PTGES3L: variants seen among roughly 807,000 people sequenced by gnomAD.
PTGES3L encodes prostaglandin E synthase 3 like.
A neutral mutation model predicts 25.0 loss-of-function variants in PTGES3L; 17 were observed. That is an observed-to-expected ratio of 0.68 (90% confidence interval 0.47 to 1.02). The LOEUF (loss-of-function observed/expected upper bound fraction) is 1.02. PTGES3L is among the 50% of genes least tolerant of loss of function. The pLI, the probability that PTGES3L is intolerant of heterozygous loss-of-function variation, is 0.00. For synonymous variants in PTGES3L, 59 were observed against 65.7 expected (o/e 0.90, Z 0.50); for missense variants, 202 against 197.5 (o/e 1.02, Z -0.14).
At chr17:42,972,584 G>A (rs887077112) in intron 4 of PTGES3L, among the ~76,000 whole-genome samples, 4 of 152,064 alleles carry the variant, frequency 2.6e-5, no homozygotes, top group African/African-American at 9.7e-5. Flanking sequence ...TCGGCCTCCC[G>A]AGGTGCCGGG....
chr17:42,969,965 A>G lies in PTGES3L; in HGVS notation c.432+324T>C, dbSNP rs151205294. Among the ~76,000 whole-genome samples, 296 of 152,040 alleles carry G rather than the reference A, an allele frequency of 1.9e-3. 3 individuals carry two copies. Among genetic ancestry groups the G allele is most frequent in the Middle Eastern group, 0.01 (3 of 292 alleles). ...AACATGGCAAAACCCTGTCTCTACT[A>G]AAAATACAAAAATTAGCTGGGCGTG... On this transcript the variant is annotated intron_variant, in intron 6 of 6. Coordinates refer to ENST00000591916, the MANE Select transcript of PTGES3L (RefSeq NM_001261430.2).
At chr17:42,971,519 G>T in intron 5 of PTGES3L, 88 bp downstream of exon 5, 1 of 1,444,786 alleles carries the variant, frequency 6.9e-7, no homozygotes, top group Non-Finnish European at 9.6e-7. Context: ...TCTCTGCTTG[G>T]CCCCAGTGAC....
rs781413936 is a variant in PTGES3L at position 42,979,263 on chromosome 17, G to C, written c.195C>G (p.Ser65=). 1.2e-6 allele frequency: 2 copies of C among 1,613,898 alleles called. No homozygotes were observed. The highest frequency in any genetic ancestry group is 1.3e-5 in the African/African-American group (1 of 74,870). Residue 65 remains serine (S), a synonymous_variant, in exon 4 of 7, where the codon TCC becomes TCG. Transcript: ENST00000591916. Reference sequence around the variant, plus strand: ...TAGAGCGGGAAGAGCGCTTATCCTGGGAGTCCTGCCAGATAGAGAGCCTCA... The same window carrying C: ...TAGAGCGGGAAGAGCGCTTATCCTGCGAGTCCTGCCAGATAGAGAGCCTCA... ...EFYAKVNSKD[S]QDKRSSRSIT... is the part of the protein sequence containing the mutation.
rs373958114 is a variant in PTGES3L at position 42,971,598 on chromosome 17, G to C, written c.378+9C>G. On this transcript the variant is annotated intron_variant, in intron 5 of 6. Coordinates refer to ENST00000591916, the MANE Select transcript of PTGES3L (RefSeq NM_001261430.2). ...AAGTGGGCAGAACACAGTAGGTGTT[G>C]TCTCTCACCTCTGCATAATGTTCCA... The C allele has an allele frequency of 6.2e-7, 1 of 1,613,460 alleles. No individual in the cohort carries two copies. The highest frequency in any genetic ancestry group is 1.1e-5 in the South Asian group (1 of 91,062).
At position 42,969,198 on chromosome 17, in the gene PTGES3L, G is replaced by A. The variant is rs1356158986; in HGVS notation, c.433-12C>T. 8 of 1,403,712 alleles carry A rather than the reference G, an allele frequency of 5.7e-6. No homozygotes were observed. The highest frequency in any genetic ancestry group is 3.1e-5 in the African/African-American group (2 of 63,684). The allele number at this position is 1,403,712 out of a possible 1,614,324, so 87.0% of individuals were successfully genotyped here. ...CTGTCAGAATCATCCTGGGGGCGGG[G>A]GGGAAAAAAGACAAAGCACCTGTAG... On this transcript the variant is annotated splice_polypyrimidine_tract_variant and intron_variant, in intron 6 of 6. Transcript: ENST00000591916.
intron 1 of PTGES3L, 181 bp downstream of exon 1, chr17:42,979,865 C>T (rs1162099467): frequency 2.1e-6 from 3 of 1,442,884 alleles, no homozygotes; most frequent in Middle Eastern, 2.5e-4. Flanking sequence ...ACGTGCAAGA[C>T]TAGGAAACTA....
rs57542042 is a variant in PTGES3L at position 42,970,676 on chromosome 17, GCACACA to G, written c.379-340_379-335del. The stretch of plus-strand genomic sequence containing the variant: ...CATGAAGTTGTCTGGCTTAACACGC[GCACACA>G]CACACACACACACACACACACACAC... On this transcript the variant is annotated intron_variant, in intron 5 of 6. Transcript: ENST00000591916. Among the ~76,000 whole-genome samples, 145 of 144,184 alleles carry G rather than the reference GCACACA, an allele frequency of 1.0e-3. 2 individuals carry two copies. Among genetic ancestry groups the G allele is most frequent in the African/African-American group, 2.9e-3 (110 of 37,944 alleles). 94.6% of individuals were successfully genotyped at this position (144,184 alleles called of 152,430 possible).
intron 4 of PTGES3L, among the ~76,000 whole-genome samples, chr17:42,973,384 C>T (rs1451143859): frequency 6.9e-6 from 1 of 145,602 alleles, no homozygotes; most frequent in African/African-American, 2.5e-5. Flanking sequence ...GGGTCAGCCC[C>T]CTGCCCGGCC....
intron 4 of PTGES3L, among the ~76,000 whole-genome samples, chr17:42,977,001 G>T (rs6503722): frequency 0.94 from 142,501 of 152,204 alleles, 67,435 homozygotes; most frequent in East Asian, 1. Flanking sequence ...AAGAATAAGA[G>T]TCATCAGGGC....
chr17:42,973,280 G>A (rs1468856676), intron 4 of PTGES3L, among the ~76,000 whole-genome samples: 2 of 134,874 alleles, frequency 1.5e-5, no homozygotes, highest in East Asian at 2.2e-4. Context: ...CGCCCCGTCC[G>A]GGAGGTGAGG....
Position 42,979,409 on chromosome 17 carries a change from T to C in PTGES3L, c.158A>G (p.Glu53Gly). The C allele has an allele frequency of 6.2e-7, 1 of 1,614,174 alleles. No individual in the cohort carries two copies. Among genetic ancestry groups the C allele is most frequent in the Non-Finnish European group, 8.5e-7 (1 of 1,180,036 alleles). The stretch of plus-strand genomic sequence containing the variant: ...GTTCACTTTGGCATAGAACTCAATC[T>C]CATTGTACAACTCCACTCCATCGGC... ...KNADGVELYN[E>G]IEFYAKVNSK... is the part of the protein sequence containing the mutation. The change falls in exon 3 of 7, where the codon GAG (glutamate) becomes GGG (glycine). Residue 53 changes from glutamate to glycine, a missense_variant. By Grantham distance (98) the Glu-to-Gly change is moderately conservative (BLOSUM62 -2). Coordinates refer to ENST00000591916, the MANE Select transcript of PTGES3L (RefSeq NM_001261430.2).
At chr17:42,978,331 C>T (rs572101779) in intron 4 of PTGES3L, among the ~76,000 whole-genome samples, 2 of 152,080 alleles carry the variant, frequency 1.3e-5, no homozygotes, top group Non-Finnish European at 2.9e-5. Flanking sequence ...CGCTTGAACC[C>T]GGGAAGTGGA....
intron 4 of PTGES3L, among the ~76,000 whole-genome samples, 186 bp downstream of exon 4, chr17:42,978,984 G>T (rs2050017916): frequency 1.3e-5 from 2 of 152,072 alleles, no homozygotes; most frequent in Admixed American, 1.3e-4. Flanking sequence ...TGGGCAACAA[G>T]AGTGAAACTC....
chr17:42,970,385 G>A (rs1218765199), intron 5 of PTGES3L, 43 bp from the exon 6 acceptor site: 2 of 1,610,926 alleles, frequency 1.2e-6, no homozygotes, highest in South Asian at 2.2e-5. Flanking sequence ...AGGGAGTGAA[G>A]GAAGAACAAT....
intron 5 of PTGES3L, among the ~76,000 whole-genome samples, 189 bp downstream of exon 5, chr17:42,971,418 T>G (rs751675157): frequency 5.9e-5 from 9 of 152,210 alleles, no homozygotes; most frequent in Non-Finnish European, 1.3e-4. Context: ...TTCAATAATA[T>G]TCTTTCCTCT....
chr17:42,978,294 C>G (rs890779012), intron 4 of PTGES3L, among the ~76,000 whole-genome samples: 6 of 151,844 alleles, frequency 4.0e-5, no homozygotes, highest in African/African-American at 1.5e-4. Context: ...GTAATCCCAG[C>G]TACTCAGGAG....
intron 5 of PTGES3L, 135 bp downstream of exon 5, chr17:42,971,472 C>T: frequency 1.3e-6 from 1 of 780,428 alleles, no homozygotes; most frequent in Non-Finnish European, 2.1e-6. Context: ...TAAAGAATAT[C>T]AGCATCAATG....
chr17:42,971,590 T>C lies in PTGES3L; in HGVS notation c.378+17A>G, dbSNP rs749797834. 1.2e-6 allele frequency: 2 copies of C among 1,612,072 alleles called. No individual in the cohort carries two copies. The highest frequency in any genetic ancestry group is 1.7e-6 in the Non-Finnish European group (2 of 1,178,446). On this transcript the variant is annotated intron_variant, in intron 5 of 6. Coordinates refer to ENST00000591916, the MANE Select transcript of PTGES3L (RefSeq NM_001261430.2). ...GAATGATCAAGTGGGCAGAACACAG[T>C]AGGTGTTGTCTCTCACCTCTGCATA...
chr17:42,974,822 C>T (rs981548787), intron 4 of PTGES3L, among the ~76,000 whole-genome samples: 3 of 150,664 alleles, frequency 2.0e-5, no homozygotes, highest in Non-Finnish European at 4.4e-5. Flanking sequence ...GACAGACTCT[C>T]AGCTTGGCAC....
Sources: gnomAD v4.1 joint callset for allele counts (sites outside exome capture counted in the v4.1 genomes callset) on GRCh38, gnomAD v4.1.1 for gene constraint, MANE v1.5 for transcripts, NCBI Gene and HGNC (gene_info 2026-07-23, HGNC 2026-07-21) for gene names.